The following TMEM9B variants were observed in gnomAD, a reference collection of about 807,000 sequenced individuals.
TMEM9B encodes the protein TMEM9 domain family member B, also known as transmembrane protein 9B.
In TMEM9B, 8 loss-of-function variants were observed where a neutral mutation model predicts 23.5. The ratio of observed to expected loss-of-function variants is 0.34; its 90% CI spans 0.20 to 0.61. The LOEUF is 0.61. Ranked by LOEUF, TMEM9B falls within the 20% of genes least tolerant of loss-of-function variation. The pLI, the probability that TMEM9B is intolerant of heterozygous loss-of-function variation, is 0.78. For synonymous variants in TMEM9B, 106 were observed against 96.3 expected, an observed-to-expected ratio of 1.10 and a Z score of -0.59; for missense variants, 197 against 252.3, an observed-to-expected ratio of 0.78 and a Z score of 1.49.
rs763621510 is a variant in TMEM9B at position 8,953,275 on chromosome 11, A to G, written c.369T>C (p.Thr123=). ...GLLLLYMVYL[T]LVEPILKRRL... ...GCCTCTTCAGTATGGGCTCAACCAGAGTAAGATATACCATGTACAGAAGTA... is the reference window on the plus strand; with the variant it reads ...GCCTCTTCAGTATGGGCTCAACCAGGGTAAGATATACCATGTACAGAAGTA... Residue 123 remains threonine (T), a synonymous_variant, in exon 4 of 5, where the codon ACT becomes ACC. Transcript: ENST00000534025. 3 of 1,614,036 alleles carry G rather than the reference A, an allele frequency of 1.9e-6. No individual in the cohort carries two copies. The highest frequency in any genetic ancestry group is 1.3e-5 in the African/African-American group (1 of 74,924).
intron 2 of TMEM9B, among the ~76,000 whole-genome samples, chr11:8,959,157 G>T (rs1410705603): frequency 1.3e-5 from 2 of 152,164 alleles, no homozygotes; most frequent in African/African-American, 4.8e-5. Flanking sequence ...ATTTGAAAAA[G>T]GATCAGGCCA....
rs767951609 is a variant in TMEM9B at position 8,964,347 on chromosome 11, C to T, written c.-34G>A. 2.4e-5 allele frequency: 37 copies of T among 1,540,408 alleles called. No individual in the cohort carries two copies. The highest frequency in any genetic ancestry group is 3.0e-5 in the Non-Finnish European group (34 of 1,144,726). The stretch of plus-strand genomic sequence containing the variant: ...GCCCAGCGGTCCCACAGCCCGGAGC[C>T]CCCGCGACCGGCTCCCGGCTCGGGC... On this transcript the variant is annotated 5_prime_UTR_variant, in exon 1 of 5. Transcript: ENST00000534025.
At chr11:8,963,821 G>A (rs953688452) in intron 1 of TMEM9B, among the ~76,000 whole-genome samples, 2 of 152,034 alleles carry the variant, frequency 1.3e-5, no homozygotes, top group Non-Finnish European at 2.9e-5. Flanking sequence ...CTGTGAGGCT[G>A]GCGGAGGGCG....
At chr11:8,963,019 A>C (rs997865380) in intron 1 of TMEM9B, among the ~76,000 whole-genome samples, 1 of 152,228 alleles carries the variant, frequency 6.6e-6, no homozygotes, top group East Asian at 1.9e-4. Flanking sequence ...CTTAGTGAGC[A>C]TTTGCTCTGT....
chr11:8,964,490 C>A, upstream of TMEM9B: 1 of 1,416,786 alleles, frequency 7.1e-7, no homozygotes, highest in Non-Finnish European at 9.2e-7. Flanking sequence ...CAAAAAGCAT[C>A]CGCCCCGGAA....
At chr11:8,953,804 G>C (rs549131487) in intron 3 of TMEM9B, among the ~76,000 whole-genome samples, 2 of 152,348 alleles carry the variant, frequency 1.3e-5, no homozygotes, top group South Asian at 2.1e-4. Context: ...CAAGGATATG[G>C]AGAAACAGCC....
chr11:8,964,434 C>A lies in TMEM9B; in HGVS notation c.-121G>T, dbSNP rs1468588662. The A allele has an allele frequency of 7.0e-7, 1 of 1,431,978 alleles. No homozygotes were observed. Among genetic ancestry groups the A allele is most frequent in the Non-Finnish European group, 9.1e-7 (1 of 1,099,566 alleles). The allele number at this position is 1,431,978 out of a possible 1,614,324, so 88.7% of individuals were successfully genotyped here. A position where few individuals can be genotyped will look rare whatever the true frequency, so the allele number is the denominator to read the frequency against. ...CCCGGCTGGGGATCCTCCGCCCGCA[C>A]TTCCGTCTGGACGCGAAGGCGTCAC... On this transcript the variant is annotated 5_prime_UTR_variant, in exon 1 of 5. Coordinates refer to ENST00000534025, the MANE Select transcript of TMEM9B (RefSeq NM_020644.3).
In TMEM9B at chr11:8,952,247, TATACAC is replaced by T. The variant is rs1330068362; in HGVS notation, c.441+950_441+955del. 1.5e-4 allele frequency among the ~76,000 whole-genome samples: 6 copies of T among 38,986 alleles called. No homozygotes were observed. The South Asian group carries it at 6.4e-3, about 42-fold the overall frequency. The allele number at this position is 38,986 out of a possible 152,430, so 25.6% of individuals were successfully genotyped here. A position where few individuals can be genotyped will look rare whatever the true frequency, so the allele number is the denominator to read the frequency against. On this transcript the variant is annotated intron_variant, in intron 4 of 4. Coordinates refer to ENST00000534025, the MANE Select transcript of TMEM9B (RefSeq NM_020644.3). ...CAATTTATACAGATTATGCCAACTATATACACACACACACACACACACACACACACA... is the reference window on the plus strand; with the variant it reads ...CAATTTATACAGATTATGCCAACTATACACACACACACACACACACACACA...
At chr11:8,949,717 G>A (rs1052664465) in intron 4 of TMEM9B, among the ~76,000 whole-genome samples, 1 of 152,086 alleles carries the variant, frequency 6.6e-6, no homozygotes, top group Non-Finnish European at 1.5e-5. Flanking sequence ...AGATATCAAA[G>A]AGTTTTTATA....
At chr11:8,955,150 C>CA (rs10666258) in intron 3 of TMEM9B, among the ~76,000 whole-genome samples, 11,705 of 128,196 alleles carry the variant, frequency 0.091, 791 homozygotes, top group South Asian at 0.28. Context: ...GACTCCATCT[C>CA]AAAAAAAAAA....
chr11:8,953,434 C>T, intron 3 of TMEM9B, 97 bp from the exon 4 acceptor site: 2 of 1,229,208 alleles, frequency 1.6e-6, no homozygotes, highest in Non-Finnish European at 1.1e-6. Context: ...TCTGCTAAGC[C>T]TATAGGATTT....
rs1160162766 is a variant in TMEM9B, at chr11:8,957,764, T to TAGAC, written c.198-1467_198-1466insGTCT. ...ATTTTCAACACAAAGAAATGATAAA[T>TAGAC]GTCTGAGATGCTAAATATTCTGATC... On this transcript the variant is annotated intron_variant, in intron 2 of 4. Transcript: ENST00000534025. This position sits in a 1 kb window ranked among gnomAD's most constrained non-coding sequence, Gnocchi z 4.3. 6.6e-6 allele frequency among the ~76,000 whole-genome samples: 1 copy of TAGAC among 152,202 alleles called. No individual in the cohort carries two copies. The highest frequency in any genetic ancestry group is 1.5e-5 in the Non-Finnish European group (1 of 68,032).
intron 2 of TMEM9B, among the ~76,000 whole-genome samples, chr11:8,961,077 G>C (rs1854071147): frequency 7.0e-6 from 1 of 142,662 alleles, no homozygotes; most frequent in African/African-American, 2.5e-5. Context: ...CACTTACAGT[G>C]GAACATAGAG....
intron 1 of TMEM9B, 94 bp downstream of exon 1, chr11:8,964,115 G>A (rs1589950272): frequency 3.1e-6 from 4 of 1,269,994 alleles, no homozygotes; most frequent in South Asian, 2.9e-5. Flanking sequence ...TGGCTGTCAG[G>A]AATGGGCCAA....
intron 4 of TMEM9B, among the ~76,000 whole-genome samples, chr11:8,951,480 G>A (rs1184971202): frequency 6.6e-5 from 10 of 151,958 alleles, no homozygotes; most frequent in African/African-American, 2.2e-4. Context: ...AGCTGGGTGC[G>A]GTGGCTCACG....
intron 2 of TMEM9B, 130 bp downstream of exon 2, chr11:8,961,962 G>A: frequency 4.8e-6 from 3 of 621,290 alleles, no homozygotes; most frequent in Non-Finnish European, 7.9e-6. Context: ...TCAAATGGAA[G>A]TAGAATTTCA....
intron 2 of TMEM9B, 108 bp from the exon 3 acceptor site, chr11:8,956,406 G>C (rs575204790): frequency 1.4e-6 from 1 of 734,250 alleles, no homozygotes; most frequent in Non-Finnish European, 2.2e-6. Flanking sequence ...CCCAATGAAA[G>C]AGCATAAAAA....
At chr11:8,964,688 T>G, upstream of TMEM9B, 1 of 209,182 alleles carries the variant, frequency 4.8e-6, no homozygotes, top group Non-Finnish European at 9.4e-6. Flanking sequence ...CGCTGGAAAG[T>G]CCTCCCGCCC....
chr11:8,962,248 A>G (rs1015246361), intron 1 of TMEM9B, 65 bp from the exon 2 acceptor site: 13 of 1,066,622 alleles, frequency 1.2e-5, no homozygotes, highest in Non-Finnish European at 1.8e-5. Flanking sequence ...TAAAAACTGT[A>G]CCATATACAT....
Sources: gnomAD v4.1 joint callset for allele counts (sites outside exome capture counted in the v4.1 genomes callset) on GRCh38, gnomAD v4.1.1 for gene constraint, Gnocchi (gnomAD v3.1) non-coding constraint, MANE v1.5 for transcripts, NCBI Gene and HGNC (gene_info 2026-07-23, HGNC 2026-07-21) for gene names.